TEX101: variants seen among roughly 807,000 people sequenced by gnomAD.
The protein encoded by TEX101 is testis expressed 101, also known as testis-expressed protein 101.
A neutral mutation model predicts 18.1 loss-of-function variants in TEX101; 10 were observed. That is an observed-to-expected ratio of 0.55 (90% CI 0.34 to 0.94). The LOEUF is 0.94. Ranked by LOEUF, TEX101 falls within the 40% of genes least tolerant of loss-of-function variation. The pLI is 0.02. For missense variants in TEX101, 259 were observed against 298.9 expected (o/e 0.87, Z 0.98); for synonymous variants, 94 against 114.8 (o/e 0.82, Z 1.16).
chr19:43,389,167 A>G, the TEX101 span, among the ~76,000 whole-genome samples: 2 of 152,180 alleles, frequency 1.3e-5, no homozygotes, highest in Non-Finnish European at 1.5e-5. Flanking sequence ...AACACGGTAC[A>G]TATTCTCTGG....
upstream of TEX101, among the ~76,000 whole-genome samples, chr19:43,398,568 AT>A (rs1423330324): frequency 6.6e-6 from 1 of 152,024 alleles, no homozygotes; most frequent in Non-Finnish European, 1.5e-5. Context: ...CCCCATGTAT[AT>A]TTTTAAACGG....
At position 43,418,127 on chromosome 19, in the gene TEX101, T is replaced by C. The variant is rs747407620; in HGVS notation, c.521-41T>C. On this transcript the variant is annotated intron_variant, in intron 5 of 5. Transcript: ENST00000598265. The stretch of plus-strand genomic sequence containing the variant: ...GGGACTGGATTCTCCTCTGATGTCC[T>C]AAAACATCTCTGTCTCTCCCGATCC... The C allele has an allele frequency of 3.7e-6, 6 of 1,612,708 alleles. No homozygotes were observed. The South Asian group carries it at 5.5e-5, about 15-fold the overall frequency.
the TEX101 span, among the ~76,000 whole-genome samples, chr19:43,390,460 CTTTTTT>C: frequency 2.0e-4 from 10 of 49,858 alleles, no homozygotes; most frequent in African/African-American, 2.5e-4. Flanking sequence ...CTTTTTTTTT[CTTTTTT>C]TTTTTTTTTT....
At chr19:43,407,472 C>T (rs566512435) in intron 3 of TEX101, among the ~76,000 whole-genome samples, 148 of 140,784 alleles carry the variant, frequency 1.1e-3, no homozygotes, top group Non-Finnish European at 1.8e-3. Flanking sequence ...GCAACAAGAG[C>T]GAAACTTCGT....
rs772714128 is a variant in TEX101 at position 43,416,173 on chromosome 19, A to C, written c.139A>C (p.Thr47Pro). 1.9e-6 allele frequency: 3 copies of C among 1,613,988 alleles called. No homozygotes were observed. The highest frequency in any genetic ancestry group is 3.3e-4 in the Middle Eastern group (2 of 6,060). Reference protein sequence around the residue: ...EADPANMFNWTTEEVETCDKG... With the variant: ...EADPANMFNWPTEEVETCDKG... ...AGATCCAGCCAATATGTTTAACTGG[A>C]CCACAGAGGAAGTGGAGACTTGTGA... Residue 47 changes from threonine to proline, a missense_variant, in exon 3 of 6, where the codon ACC becomes CCC. Transcript: ENST00000598265.
chr19:43,399,605 C>T (rs1970301965), upstream of TEX101, among the ~76,000 whole-genome samples: 1 of 152,098 alleles, frequency 6.6e-6, no homozygotes, highest in South Asian at 2.1e-4. Flanking sequence ...TGATTATTTT[C>T]CTTCATATAC....
Position 43,408,290 on chromosome 19 carries a change from C to T in TEX101, c.15+1771C>T, listed in dbSNP as rs183168519. On this transcript the variant is annotated intron_variant, in intron 3 of 7. Coordinates refer to the TEX101 transcript ENST00000602198. Reference sequence around the variant, plus strand: ...AGCCAGGTCTTCTCCTCGTTCTGCCCGGGCTCGACCAGGGGCTAGATCGGG... The same window carrying T: ...AGCCAGGTCTTCTCCTCGTTCTGCCTGGGCTCGACCAGGGGCTAGATCGGG... Among the ~76,000 whole-genome samples, 440 of 151,158 alleles carry T rather than the reference C, an allele frequency of 2.9e-3. 2 individuals are homozygous for T. Among genetic ancestry groups the T allele is most frequent in the African/African-American group, 0.01 (425 of 41,254 alleles).
At chr19:43,413,960 A>C (rs1344492073), upstream of TEX101, among the ~76,000 whole-genome samples, 1 of 151,654 alleles carries the variant, frequency 6.6e-6, no homozygotes, top group Non-Finnish European at 1.5e-5. Context: ...GTCTCCAAAA[A>C]AAAAATACAA....
At chr19:43,399,681 A>G (rs998075127), upstream of TEX101, among the ~76,000 whole-genome samples, 1 of 152,072 alleles carries the variant, frequency 6.6e-6, no homozygotes, top group East Asian at 1.9e-4. Context: ...AAGTATTATT[A>G]TGAAATATAG....
chr19:43,400,942 G>T (rs1457743286), upstream of TEX101, among the ~76,000 whole-genome samples: 2 of 151,834 alleles, frequency 1.3e-5, no homozygotes, highest in African/African-American at 4.8e-5. Flanking sequence ...TATTTTAAAA[G>T]TTTATTTGTC....
chr19:43,412,718 T>C (rs1462508227), upstream of TEX101, among the ~76,000 whole-genome samples: 2 of 152,154 alleles, frequency 1.3e-5, no homozygotes, highest in East Asian at 1.9e-4. Flanking sequence ...AGATAACAGT[T>C]CAAAGATAAC....
At chr19:43,390,179 GGT>G in the TEX101 span, among the ~76,000 whole-genome samples, 1 of 152,064 alleles carries the variant, frequency 6.6e-6, no homozygotes, top group Non-Finnish European at 1.5e-5. Context: ...TTTTTGAATA[GGT>G]GTTGTATTTA....
upstream of TEX101, among the ~76,000 whole-genome samples, chr19:43,411,393 C>CAGG (rs1465272556): frequency 6.6e-6 from 1 of 152,034 alleles, no homozygotes; most frequent in East Asian, 1.9e-4. Flanking sequence ...AAGTTTTAAA[C>CAGG]AGGAGTAATG....
upstream of TEX101, among the ~76,000 whole-genome samples, chr19:43,398,587 A>T (rs1050677562): frequency 3.3e-5 from 5 of 152,160 alleles, no homozygotes; most frequent in Non-Finnish European, 5.9e-5. Flanking sequence ...CGGGGATACA[A>T]TCAAGACTAA....
chr19:43,417,969 A>C lies in TEX101; in HGVS notation c.483A>C (p.Thr161=). 6.2e-7 allele frequency: 1 copy of C among 1,614,206 alleles called. No homozygotes were observed. The highest frequency in any genetic ancestry group is 8.5e-7 in the Non-Finnish European group (1 of 1,180,040). The part of the protein sequence containing the change: ...SAPSLPCPNG[T]TRCYQGKLEI... Reference sequence around the variant, plus strand: ...CTTCTCTTCCCTGTCCCAATGGTACAACTCGATGCTATCAAGGAAAACTTG... The same window carrying C: ...CTTCTCTTCCCTGTCCCAATGGTACCACTCGATGCTATCAAGGAAAACTTG... Residue 161 remains threonine, a synonymous_variant, in exon 5 of 6, where the codon ACA becomes ACC. Transcript: ENST00000598265.
upstream of TEX101, chr19:43,414,874 C>G (rs993186009): frequency 1.0e-6 from 1 of 985,340 alleles, no homozygotes; most frequent in East Asian, 1.1e-4. Flanking sequence ...GCCAGGCTGG[C>G]CCGGCCTTGC....
intron 5 of TEX101, 75 bp from the exon 6 acceptor site, chr19:43,418,093 G>A: frequency 6.2e-7 from 1 of 1,611,276 alleles, no homozygotes; most frequent in East Asian, 2.2e-5. Flanking sequence ...AGCTCTCCAG[G>A]GATGAGGGGG....
intron 4 of TEX101, among the ~76,000 whole-genome samples, chr19:43,417,017 A>G: frequency 6.8e-6 from 1 of 146,984 alleles, no homozygotes; most frequent in East Asian, 2.0e-4. Flanking sequence ...TGGGACAGAG[A>G]GCAAGACTCC....
chr19:43,397,868 ATATATAAAAATATATAT>A (rs1407283543), upstream of TEX101, among the ~76,000 whole-genome samples: 544 of 67,294 alleles, frequency 8.1e-3, no homozygotes, highest in African/African-American at 0.028. Flanking sequence ...TAAATATATA[ATATATAAAAATATATAT>A]TATATATAAA....
Sources: allele counts gnomAD v4.1 joint callset (sites outside exome capture counted in the v4.1 genomes callset), GRCh38; gene constraint gnomAD v4.1.1; transcripts MANE v1.5; gene names NCBI Gene and HGNC (gene_info 2026-07-23, HGNC 2026-07-21).